Variants in SF3B2 observed in about 807,000 individuals in gnomAD.
SF3B2 encodes SAP 145.
A neutral mutation model predicts 116.3 loss-of-function variants in SF3B2; 22 were observed. The observed-to-expected ratio is 0.19, with a 90% confidence interval of 0.14 to 0.27. The LOEUF (loss-of-function observed/expected upper bound fraction) is 0.27, where lower values mean the gene tolerates loss of function less well. Ranked by LOEUF, SF3B2 falls within the 10% of genes least tolerant of loss-of-function variation. SF3B2 has a pLI of 1.00. For missense variants in SF3B2, 767 were observed against 1,151.4 expected, an observed-to-expected ratio of 0.67 and a Z score of 4.83; for synonymous variants, 406 against 421.6, an observed-to-expected ratio of 0.96 and a Z score of 0.45.
rs1856974262 is a variant in SF3B2, at chr11:66,055,314, A to T, written c.497A>T (p.Gln166Leu). Residue 166 changes from glutamine (Q) to leucine (L), a missense_variant and splice_region_variant, in exon 4 of 22, where the codon CAG (glutamine) becomes CTG (leucine). Gln to Leu is a moderately radical substitution (Grantham distance 113). This residue lies in a region of SF3B2 where 455 missense variants were observed against 537.5 expected (regional missense o/e 0.85). Transcript: ENST00000322535. ...LLMQQEERAK[Q>L]QGDHSLKEHE... ...ATGCAGCAGGAGGAGCGTGCCAAGCAGGTAGGGCAGGTGGCAGCCCTGGCC... is the reference window on the plus strand; with the variant it reads ...ATGCAGCAGGAGGAGCGTGCCAAGCTGGTAGGGCAGGTGGCAGCCCTGGCC... 6.2e-7 allele frequency: 1 copy of T among 1,610,750 alleles called. No homozygotes were observed. Among genetic ancestry groups the T allele is most frequent in the Non-Finnish European group, 8.5e-7 (1 of 1,178,718 alleles).
chr11:66,058,205 A>G, intron 8 of SF3B2, 55 bp downstream of exon 8: 2 of 1,580,922 alleles, frequency 1.3e-6, no homozygotes, highest in East Asian at 4.5e-5. Context: ...GGCTGAGCTG[A>G]GTCCTCATCC....
chr11:66,057,307 T>C lies in SF3B2; in HGVS notation c.709T>C (p.Leu237=), dbSNP rs750399098. Residue 237 remains leucine, a synonymous_variant, in exon 7 of 22, where the codon TTG becomes CTG. Transcript: ENST00000322535. ...VGPVGPTPTV[L]PMGAPVPRPR... is the part of the protein sequence containing the mutation. ...CCCAGTGGGCCCCACTCCTACAGTT[T>C]TGCCCATGGGAGCCCCTGTTCCCCG... The C allele has an allele frequency of 1.9e-6, 3 of 1,610,820 alleles. No individual in the cohort carries two copies. The Admixed American group carries it at 5.0e-5, about 27-fold the overall frequency.
intron 19 of SF3B2, chr11:66,066,506 T>C (rs1857186663): frequency 6.6e-6 from 1 of 152,230 alleles, no homozygotes; most frequent in Admixed American, 6.5e-5. Flanking sequence ...GGGTCCAAGA[T>C]ATTTTTGTAT....
chr11:66,067,886 C>T, intron 19 of SF3B2, 60 bp from the exon 20 acceptor site: 1 of 1,411,756 alleles, frequency 7.1e-7, no homozygotes, highest in Non-Finnish European at 9.9e-7. Flanking sequence ...TCTTTTGTTT[C>T]CGCTTCTGGA....
chr11:66,068,645 T>G (rs2134480851), intron 21 of SF3B2, 29 bp from the exon 22 acceptor site: 4 of 1,611,428 alleles, frequency 2.5e-6, no homozygotes, highest in Non-Finnish European at 3.4e-6. Flanking sequence ...TCAACCTGTC[T>G]TAACCTGTGT....
At chr11:66,052,920 C>T in intron 2 of SF3B2, 107 bp from the exon 3 acceptor site, 1 of 1,289,498 alleles carries the variant, frequency 7.8e-7, no homozygotes, top group South Asian at 1.2e-5. Flanking sequence ...CCAGCCAGAG[C>T]GCTGGCAGAC....
Position 66,058,915 on chromosome 11 carries a change from A to T in SF3B2, c.1052A>T (p.Glu351Val). The T allele has an allele frequency of 6.2e-7, 1 of 1,614,106 alleles. No individual in the cohort carries two copies. The highest frequency in any genetic ancestry group is 8.5e-7 in the Non-Finnish European group (1 of 1,180,004). The change falls in exon 10 of 22, where the codon GAG (glutamate) becomes GTG (valine). Residue 351 changes from glutamate to valine, a missense_variant. Physicochemically the swap from Glu to Val is moderately radical, Grantham distance 121. This residue lies in a region of SF3B2 where 455 missense variants were observed against 537.5 expected (regional missense o/e 0.85). Coordinates refer to ENST00000322535, the MANE Select transcript of SF3B2 (RefSeq NM_006842.3). The part of the protein sequence containing the change: ...GVSSESSGDR[E>V]KDSTRSRGSD... ...TCCTCTGAGAGCTCTGGGGACCGGG[A>T]GAAAGACTCAACCCGGTCCCGTGGC...
chr11:66,067,587 C>T (rs1299997840), intron 19 of SF3B2: 6 of 465,802 alleles, frequency 1.3e-5, no homozygotes, highest in East Asian at 6.5e-5. Context: ...TGACATTCTT[C>T]GGGTGGGAAC....
chr11:66,058,787 T>C (rs553789496), intron 9 of SF3B2, 43 bp from the exon 10 acceptor site: 2 of 1,551,690 alleles, frequency 1.3e-6, no homozygotes, highest in African/African-American at 1.4e-5. Context: ...GCTGGCACAG[T>C]GCTTGGATTC....
At chr11:66,054,392 G>C (rs1318222160) in intron 3 of SF3B2, among the ~76,000 whole-genome samples, 1 of 151,394 alleles carries the variant, frequency 6.6e-6, no homozygotes, top group African/African-American at 2.4e-5. Context: ...CACGAGAATT[G>C]CTTGAACCTG....
intron 9 of SF3B2, 102 bp downstream of exon 9, chr11:66,058,507 G>T: frequency 1.1e-6 from 1 of 925,660 alleles, no homozygotes. Flanking sequence ...CTTCTATTTT[G>T]TGCCAATTTC....
rs569635838 is a variant in SF3B2, at chr11:66,053,079, C to T, written c.233C>T (p.Ala78Val). The stretch of plus-strand genomic sequence containing the variant: ...TTGAGAGGGGAAGATGGGGACAAAG[C>T]CGCTCCACCTCCCATGTCGGCACAG... The part of the protein sequence containing the change: ...PVLRGEDGDK[A>V]APPPMSAQLP... Residue 78 changes from alanine to valine, a missense_variant, in exon 3 of 22, where the codon GCC (alanine) becomes GTC (valine). Ala to Val is a moderately conservative substitution (Grantham distance 64). Transcript: ENST00000322535. The T allele has an allele frequency of 3.1e-6, 5 of 1,614,102 alleles. No homozygotes were observed. The African/African-American group carries it at 6.7e-5, about 22-fold the overall frequency.
rs1056022135 is a variant in SF3B2, at chr11:66,058,549, T to A, written c.966+144T>A. 4.6e-5 allele frequency: 31 copies of A among 680,294 alleles called. No individual in the cohort carries two copies. In the African/African-American group the frequency reaches 5.6e-4, roughly 12 times the overall value. The allele number at this position is 680,294 out of a possible 1,614,324, so 42.1% of individuals were successfully genotyped here. A position where few individuals can be genotyped will look rare whatever the true frequency, so the allele number is the denominator to read the frequency against. On this transcript the variant is annotated intron_variant, in intron 9 of 21. Transcript: ENST00000322535. ...CAGCATCTTATAGATATTTTTCATT[T>A]AATTGCTTTGAGTTCCAAGTACTAT...
chr11:66,058,131 A>G lies in SF3B2; in HGVS notation c.855A>G (p.Glu285=). The change falls in exon 8 of 22, where the codon GAA becomes GAG. Residue 285 remains glutamate, a synonymous_variant. Coordinates refer to ENST00000322535, the MANE Select transcript of SF3B2 (RefSeq NM_006842.3). ...KILQLKESRQ[E]EMNSQQEEEE... is the part of the protein sequence containing the mutation. ...TGCAGCTGAAGGAGAGCCGCCAGGA[A>G]GAGATGAATTCTCAGCAGGGTGAGT... The G allele has an allele frequency of 6.2e-7, 1 of 1,609,462 alleles. No individual in the cohort carries two copies.
Position 66,061,780 on chromosome 11 carries a change from G to T in SF3B2, c.1869+5G>T, listed in dbSNP as rs1565090619. ...TTGGGGATGCCAGTAGGACCAGTGAGTGTCAGTTAGCTGTCTGGGGAAGCA... is the reference window on the plus strand; with the variant it reads ...TTGGGGATGCCAGTAGGACCAGTGATTGTCAGTTAGCTGTCTGGGGAAGCA... On this transcript the variant is annotated splice_donor_5th_base_variant and intron_variant, in intron 15 of 21. Transcript: ENST00000322535. 6.2e-7 allele frequency: 1 copy of T among 1,613,018 alleles called. No individual in the cohort carries two copies. The highest frequency in any genetic ancestry group is 8.5e-7 in the Non-Finnish European group (1 of 1,178,918).
Position 66,068,751 on chromosome 11 carries a change from C to T in SF3B2, c.*6C>T. On this transcript the variant is annotated 3_prime_UTR_variant, in exon 22 of 22. Transcript: ENST00000322535. ...ATAAGGAGTTCAAGTTTTAGGTCCC[C>T]TCACACTAGCCCTTTTTTTGGCCCT... is the stretch of plus-strand genomic sequence containing the variant. The T allele has an allele frequency of 5.0e-6, 8 of 1,613,300 alleles. No homozygotes were observed. Among genetic ancestry groups the T allele is most frequent in the South Asian group, 1.1e-5 (1 of 91,058 alleles).
chr11:66,068,515 G>C (rs777199604), intron 21 of SF3B2, 159 bp from the exon 22 acceptor site: 8 of 845,332 alleles, frequency 9.5e-6, no homozygotes, highest in Admixed American at 8.5e-5. Flanking sequence ...GACGATGAGG[G>C]GGAGGAACTC....
intron 19 of SF3B2, chr11:66,067,737 A>C: frequency 1.8e-6 from 1 of 558,642 alleles, no homozygotes; most frequent in Non-Finnish European, 3.2e-6. Flanking sequence ...GGGGCCCCTT[A>C]GCTCCATCTG....
chr11:66,065,576 G>C (rs1383911253), intron 19 of SF3B2: 1 of 151,678 alleles, frequency 6.6e-6, no homozygotes, highest in Non-Finnish European at 1.5e-5. Context: ...TCTTTCCTTT[G>C]GGAACTCAAA....
Sources: gnomAD v4.1 joint callset for allele counts (sites outside exome capture counted in the v4.1 genomes callset) on GRCh38, gnomAD v4.1.1 for gene constraint, gnomAD v4.1.1 regional missense constraint, MANE v1.5 for transcripts, NCBI Gene and HGNC (gene_info 2026-07-23, HGNC 2026-07-21) for gene names.